TM9SF2: variants seen among roughly 807,000 people sequenced by gnomAD.
TM9SF2 encodes the protein transmembrane 9 superfamily member 2.
In TM9SF2, 13 loss-of-function variants were observed where a neutral mutation model predicts 84.9. That is an observed-to-expected ratio of 0.15 (90% CI 0.10 to 0.24). The LOEUF (loss-of-function observed/expected upper bound fraction) is 0.24, where lower values mean the gene tolerates loss of function less well. Among genes scored for constraint, TM9SF2 ranks in the 10% least tolerant of loss-of-function variants. The pLI is 1.00. For synonymous variants in TM9SF2, 273 were observed against 285.8 expected (o/e 0.96, Z 0.45); for missense variants, 562 against 818.5 (o/e 0.69, Z 3.82).
At chr13:99,545,904 G>A (rs1298967648) in intron 10 of TM9SF2, among the ~76,000 whole-genome samples, 2 of 152,142 alleles carry the variant, frequency 1.3e-5, no homozygotes, top group African/African-American at 4.8e-5. Context: ...TGTCTTCTGC[G>A]ATGCTCTGGT....
At position 99,511,780 on chromosome 13, in the gene TM9SF2, A is replaced by G. The variant is rs377281890; in HGVS notation, c.172-5834A>G. 5.9e-5 allele frequency among the ~76,000 whole-genome samples: 9 copies of G among 152,352 alleles called. No individual in the cohort carries two copies. The East Asian group carries it at 1.5e-3, about 26-fold the overall frequency. On this transcript the variant is annotated intron_variant, in intron 1 of 16. Coordinates refer to ENST00000376387, the MANE Select transcript of TM9SF2 (RefSeq NM_004800.3). ...TATCTATGATAGACTTTCTTACAAAAGTAGTGTGGAAAGGTGTCAGAAGAG... is the reference window on the plus strand; with the variant it reads ...TATCTATGATAGACTTTCTTACAAAGGTAGTGTGGAAAGGTGTCAGAAGAG...
intron 4 of TM9SF2, among the ~76,000 whole-genome samples, chr13:99,531,871 A>T (rs1274269322): frequency 6.6e-6 from 1 of 152,146 alleles, no homozygotes; most frequent in East Asian, 1.9e-4. Flanking sequence ...AACCTGGGAT[A>T]TGTTTACTTA....
chr13:99,520,209 G>A (rs919793882), intron 3 of TM9SF2, 80 bp downstream of exon 3: 3 of 1,189,148 alleles, frequency 2.5e-6, no homozygotes, highest in Non-Finnish European at 1.2e-6. Flanking sequence ...AGATAACTCA[G>A]CTATCATTGC....
At chr13:99,523,569 C>G (rs1007529869) in intron 3 of TM9SF2, among the ~76,000 whole-genome samples, 3 of 152,218 alleles carry the variant, frequency 2.0e-5, no homozygotes, top group Non-Finnish European at 2.9e-5. Flanking sequence ...AACAACAGTG[C>G]AAGACATTGT....
chr13:99,547,771 C>T (rs538406324), intron 11 of TM9SF2, among the ~76,000 whole-genome samples: 13 of 152,270 alleles, frequency 8.5e-5, no homozygotes, highest in African/African-American at 3.1e-4. Flanking sequence ...AGCTGGCCTC[C>T]TCGGGAATGC....
At chr13:99,553,045 T>G (rs2046312295) in intron 13 of TM9SF2, among the ~76,000 whole-genome samples, 1 of 152,238 alleles carries the variant, frequency 6.6e-6, no homozygotes, top group Non-Finnish European at 1.5e-5. Flanking sequence ...ATAATCAGGT[T>G]TCAGTCCTTC....
intron 3 of TM9SF2, among the ~76,000 whole-genome samples, chr13:99,523,414 G>T (rs1392131478): frequency 6.6e-6 from 1 of 152,126 alleles, no homozygotes; most frequent in Non-Finnish European, 1.5e-5. Flanking sequence ...GCCACCCAAA[G>T]TTCTGGGATT....
intron 10 of TM9SF2, among the ~76,000 whole-genome samples, chr13:99,545,560 T>G (rs1050208531): frequency 4.0e-5 from 6 of 151,370 alleles, no homozygotes; most frequent in Non-Finnish European, 5.9e-5. Context: ...GATAAACTTC[T>G]GCTTTCTTTC....
chr13:99,551,283 A>G (rs913382079), intron 12 of TM9SF2, among the ~76,000 whole-genome samples: 2 of 152,218 alleles, frequency 1.3e-5, no homozygotes, highest in Admixed American at 6.5e-5. Flanking sequence ...AGGTGTTTGG[A>G]AAGTCCAGGG....
chr13:99,533,637 T>C (rs945541360), intron 4 of TM9SF2, among the ~76,000 whole-genome samples: 4 of 152,194 alleles, frequency 2.6e-5, no homozygotes, highest in African/African-American at 9.7e-5. Context: ...CTTATATAAA[T>C]TGACGAATAC....
intron 2 of TM9SF2, 151 bp from the exon 3 acceptor site, chr13:99,519,885 G>T: frequency 1.9e-6 from 1 of 522,644 alleles, no homozygotes. Context: ...GGAGAGATGT[G>T]GTACATAGGA....
In TM9SF2 at chr13:99,562,859, T is replaced by G; in HGVS notation, c.*101T>G. On this transcript the variant is annotated 3_prime_UTR_variant, in exon 17 of 17. Transcript: ENST00000376387. ...TTGAGTTTTATCAGAATTATTGGCC[T>G]AGTAATCCTTCAGAAACACCGTAAT... The G allele has an allele frequency of 2.7e-6, 3 of 1,105,186 alleles. No homozygotes were observed. Among genetic ancestry groups the G allele is most frequent in the Non-Finnish European group, 4.0e-6 (3 of 750,098 alleles). The allele number at this position is 1,105,186 out of a possible 1,614,324, so 68.5% of individuals were successfully genotyped here.
intron 4 of TM9SF2, among the ~76,000 whole-genome samples, chr13:99,531,344 C>A (rs1355939425): frequency 6.6e-6 from 1 of 152,170 alleles, no homozygotes; most frequent in Non-Finnish European, 1.5e-5. Context: ...TGTTCATGCA[C>A]TTCCTTTTGG....
At chr13:99,510,121 T>C (rs1395854766) in intron 1 of TM9SF2, among the ~76,000 whole-genome samples, 2 of 152,224 alleles carry the variant, frequency 1.3e-5, no homozygotes, top group Non-Finnish European at 2.9e-5. Context: ...TGCTGAGACG[T>C]AACACGTGTG....
chr13:99,507,575 G>A (rs1316995236), intron 1 of TM9SF2, among the ~76,000 whole-genome samples: 1 of 152,166 alleles, frequency 6.6e-6, no homozygotes, highest in East Asian at 1.9e-4. Context: ...TAGGAGATCA[G>A]TTGCTGGGCA....
intron 7 of TM9SF2, among the ~76,000 whole-genome samples, chr13:99,540,106 G>A (rs1447960953): frequency 6.6e-6 from 1 of 152,134 alleles, no homozygotes; most frequent in Non-Finnish European, 1.5e-5. Context: ...GATTGTCTTA[G>A]AAAATTGAAG....
At position 99,529,592 on chromosome 13, in the gene TM9SF2, C is replaced by T. The variant is rs1057491584; in HGVS notation, c.459C>T (p.His153=). Residue 153 remains histidine, a splice_region_variant and synonymous_variant, in exon 4 of 17, where the codon CAC becomes CAT. Transcript: ENST00000376387. The part of the protein sequence containing the change: ...KKSMLLNYQH[H]WIVDNMPVTW... ...GCATGTTATTGAATTATCAACATCACTGGTAAGGCATGAATATTTTCGATT... is the reference window on the plus strand; with the variant it reads ...GCATGTTATTGAATTATCAACATCATTGGTAAGGCATGAATATTTTCGATT... 1.9e-6 allele frequency: 3 copies of T among 1,560,948 alleles called. No homozygotes were observed. The highest frequency in any genetic ancestry group is 2.4e-5 in the East Asian group (1 of 41,722).
intron 16 of TM9SF2, among the ~76,000 whole-genome samples, chr13:99,560,822 C>T (rs1299940504): frequency 1.3e-5 from 2 of 152,024 alleles, no homozygotes; most frequent in African/African-American, 4.8e-5. Context: ...GCTGGGACTA[C>T]AGGCGCCCGC....
intron 4 of TM9SF2, among the ~76,000 whole-genome samples, chr13:99,531,173 T>C (rs1473814237): frequency 6.6e-6 from 1 of 152,190 alleles, no homozygotes; most frequent in Non-Finnish European, 1.5e-5. Flanking sequence ...ACATAGAATA[T>C]TTTTAAAGAC....
Sources: gnomAD v4.1 joint callset for allele counts (sites outside exome capture counted in the v4.1 genomes callset) on GRCh38, gnomAD v4.1.1 for gene constraint, MANE v1.5 for transcripts, NCBI Gene and HGNC (gene_info 2026-07-23, HGNC 2026-07-21) for gene names.